The following SLC25A48 variants were observed in gnomAD, a reference collection of about 807,000 sequenced individuals.
The protein encoded by SLC25A48 is solute carrier family 25 member 48.
SLC25A48 carries 29 observed loss-of-function variants against 32.2 expected under a neutral mutation model. The ratio of observed to expected loss-of-function variants is 0.90; its 90% CI spans 0.67 to 1.23. SLC25A48 has a LOEUF of 1.23. Ranked by LOEUF, SLC25A48 falls within the 50% of genes most tolerant of loss-of-function variation. SLC25A48 has a pLI of 0.00. For synonymous variants in SLC25A48, 164 were observed against 172.3 expected (o/e 0.95, Z 0.38); for missense variants, 399 against 422.7 (o/e 0.94, Z 0.49).
chr5:135,601,416 T>C (rs1166137367), intron 1 of SLC25A48, among the ~76,000 whole-genome samples: 2 of 152,184 alleles, frequency 1.3e-5, no homozygotes, highest in African/African-American at 4.8e-5. Context: ...TCCTTAATTC[T>C]CACCTTCCTA....
chr5:135,725,989 C>T (rs1319982010), intron 3 of SLC25A48, among the ~76,000 whole-genome samples: 2 of 152,186 alleles, frequency 1.3e-5, no homozygotes, highest in Admixed American at 6.5e-5. Context: ...TGACAAGCTG[C>T]GCCTACTTAT....
intron 1 of SLC25A48, among the ~76,000 whole-genome samples, chr5:135,625,582 A>C (rs1752424908): frequency 6.6e-6 from 1 of 152,146 alleles, no homozygotes; most frequent in Non-Finnish European, 1.5e-5. Context: ...CTACCTCTGC[A>C]GTCTCACTCG....
At chr5:135,769,176 C>A (rs889326790) in intron 3 of SLC25A48, among the ~76,000 whole-genome samples, 29 of 139,632 alleles carry the variant, frequency 2.1e-4, no homozygotes, top group African/African-American at 7.5e-4. Context: ...TGATATTGTT[C>A]ATAATATTTA....
chr5:135,855,716 C>T (rs1458195132), intron 4 of SLC25A48, among the ~76,000 whole-genome samples: 3 of 152,236 alleles, frequency 2.0e-5, no homozygotes, highest in Non-Finnish European at 4.4e-5. Flanking sequence ...GTCTCATCTG[C>T]ACGAAGCTAG....
chr5:135,727,114 G>T (rs1454906194), intron 3 of SLC25A48, among the ~76,000 whole-genome samples: 3 of 149,124 alleles, frequency 2.0e-5, no homozygotes, highest in South Asian at 2.1e-4. Context: ...TGGAGAAATG[G>T]GTCTTCTTGT....
chr5:135,841,972 T>C (rs1759038228), intron 1 of SLC25A48, among the ~76,000 whole-genome samples: 2 of 152,246 alleles, frequency 1.3e-5, no homozygotes, highest in South Asian at 4.1e-4. Flanking sequence ...TGGTATGGCA[T>C]GTCCTTCACT....
At chr5:135,805,012 T>C (rs1045361507) in intron 3 of SLC25A48, among the ~76,000 whole-genome samples, 49 of 151,518 alleles carry the variant, frequency 3.2e-4, no homozygotes, top group Admixed American at 6.6e-5. Context: ...TCACAGTTAG[T>C]GTGCACCCTG....
chr5:135,871,192 G>T (rs1056333937), intron 4 of SLC25A48, among the ~76,000 whole-genome samples: 1 of 151,974 alleles, frequency 6.6e-6, no homozygotes, highest in African/African-American at 2.4e-5. Flanking sequence ...AGTCACATTT[G>T]CTTCGAAAGA....
intron 1 of SLC25A48, among the ~76,000 whole-genome samples, chr5:135,600,273 C>T (rs1332320144): frequency 3.3e-5 from 5 of 152,222 alleles, no homozygotes; most frequent in African/African-American, 9.6e-5. Context: ...ATGTGGTTCT[C>T]CTGCTCCCTG....
Position 135,661,965 on chromosome 5 carries a change from G to A in SLC25A48, c.-521+27009G>A, listed in dbSNP as rs935210822. Reference sequence around the variant, plus strand: ...CATTCTCAAGAATAGGTGCCTGAGAGTGGCATCATCAGAGCAAAATGCATA... The same window carrying A: ...CATTCTCAAGAATAGGTGCCTGAGAATGGCATCATCAGAGCAAAATGCATA... On this transcript the variant is annotated intron_variant, in intron 3 of 10. Coordinates refer to the SLC25A48 transcript ENST00000646290. 2.6e-5 allele frequency among the ~76,000 whole-genome samples: 4 copies of A among 152,306 alleles called. No individual in the cohort carries two copies. In the South Asian group the frequency reaches 8.3e-4, roughly 32 times the overall value.
intron 3 of SLC25A48, among the ~76,000 whole-genome samples, chr5:135,674,279 A>G (rs1030256282): frequency 4.0e-5 from 6 of 151,810 alleles, no homozygotes; most frequent in African/African-American, 1.4e-4. Context: ...TGTGTTGGGA[A>G]TTTTTCTAGT....
intron 3 of SLC25A48, among the ~76,000 whole-genome samples, chr5:135,676,044 A>G (rs1753761881): frequency 6.6e-6 from 1 of 151,872 alleles, no homozygotes; most frequent in African/African-American, 2.4e-5. Flanking sequence ...TGATTTTTGT[A>G]TGTTGATTTT....
intron 1 of SLC25A48, among the ~76,000 whole-genome samples, chr5:135,836,400 A>G (rs1175327683): frequency 6.6e-6 from 1 of 150,744 alleles, no homozygotes; most frequent in Non-Finnish European, 1.5e-5. Context: ...GTAAGTGTTT[A>G]CTACACTTGA....
Position 135,858,037 on chromosome 5 carries a change from G to A in SLC25A48, c.421+5216G>A, listed in dbSNP as rs1760476246. On this transcript the variant is annotated intron_variant, in intron 4 of 7. Transcript: ENST00000681962. The stretch of plus-strand genomic sequence containing the variant: ...GAGGTGCTGACATGTCTCAGGATAG[G>A]TAAGATTCCCCGAGCCTCCTGTATG... 1.3e-5 allele frequency among the ~76,000 whole-genome samples: 2 copies of A among 152,308 alleles called. 1 individual carries two copies. Among genetic ancestry groups the A allele is most frequent in the Middle Eastern group, 6.8e-3 (2 of 294 alleles).
At chr5:135,804,472 A>G (rs1757417190) in intron 3 of SLC25A48, among the ~76,000 whole-genome samples, 1 of 151,760 alleles carries the variant, frequency 6.6e-6, no homozygotes, top group African/African-American at 2.4e-5. Flanking sequence ...ATAATATGCT[A>G]TGGATGTAAT....
intron 1 of SLC25A48, among the ~76,000 whole-genome samples, chr5:135,626,779 G>A (rs529036573): frequency 5.1e-4 from 77 of 152,232 alleles, no homozygotes; most frequent in Middle Eastern, 3.4e-3. Context: ...TAGGGGGTGG[G>A]GTGTGAGAGC....
intron 7 of SLC25A48, among the ~76,000 whole-genome samples, chr5:135,884,633 A>C (rs991193439): frequency 2.0e-5 from 3 of 152,164 alleles, no homozygotes; most frequent in Admixed American, 2.0e-4. Flanking sequence ...CTGGGTGGGC[A>C]CGGAGGATGC....
intron 3 of SLC25A48, among the ~76,000 whole-genome samples, chr5:135,727,983 C>T (rs1305271854): frequency 2.0e-5 from 3 of 152,114 alleles, no homozygotes; most frequent in Non-Finnish European, 4.4e-5. Flanking sequence ...TGGCCGTGCA[C>T]GGTGGCTCAC....
chr5:135,807,541 G>A (rs942628435), intron 3 of SLC25A48, among the ~76,000 whole-genome samples: 1 of 150,204 alleles, frequency 6.7e-6, no homozygotes, highest in Non-Finnish European at 1.5e-5. Flanking sequence ...GTTAACACAA[G>A]ATATTATAAA....
Sources: allele counts gnomAD v4.1 joint callset (sites outside exome capture counted in the v4.1 genomes callset), GRCh38; gene constraint gnomAD v4.1.1; transcripts MANE v1.5; gene names NCBI Gene and HGNC (gene_info 2026-07-23, HGNC 2026-07-21).